SRGAP3: variants seen among roughly 807,000 people sequenced by gnomAD.
SRGAP3 encodes SLIT-ROBO Rho GTPase activating protein 3.
Under a neutral mutation model 121.1 loss-of-function variants are expected in SRGAP3, and 39 were observed. The observed-to-expected ratio is 0.32, with a 90% CI of 0.25 to 0.42. The LOEUF (loss-of-function observed/expected upper bound fraction) is 0.42, where lower values mean the gene tolerates loss of function less well. Ranked by LOEUF, SRGAP3 falls within the 10% of genes least tolerant of loss-of-function variation. The pLI, the probability that SRGAP3 is intolerant of heterozygous loss-of-function variation, is 1.00. For synonymous variants in SRGAP3, 601 were observed against 570.0 expected, an observed-to-expected ratio of 1.05 and a Z score of -0.77; for missense variants, 1,213 against 1,470.6, an observed-to-expected ratio of 0.82 and a Z score of 2.86.
chr3:9,020,216 A>C (rs999813201), intron 14 of SRGAP3, among the ~76,000 whole-genome samples: 2 of 152,102 alleles, frequency 1.3e-5, no homozygotes, highest in African/African-American at 4.8e-5. Flanking sequence ...TGATTTTTTG[A>C]TCTGTCTGTC....
intron 18 of SRGAP3, among the ~76,000 whole-genome samples, chr3:8,994,726 C>G (rs1043942011): frequency 6.6e-6 from 1 of 152,174 alleles, no homozygotes; most frequent in African/African-American, 2.4e-5. Flanking sequence ...CTCAGGAAAA[C>G]CATCAAACCC....
chr3:9,348,133 T>C (rs376069769), intron 1 of SRGAP3, among the ~76,000 whole-genome samples: 4 of 152,366 alleles, frequency 2.6e-5, no homozygotes, highest in East Asian at 1.9e-4. Context: ...TAGAATTTTA[T>C]GTGCAGTACT....
chr3:9,302,927 A>G (rs923591969), intron 3 of SRGAP3, among the ~76,000 whole-genome samples: 10 of 150,180 alleles, frequency 6.7e-5, no homozygotes, highest in South Asian at 2.1e-4. Flanking sequence ...TAATACTTAA[A>G]GTACCTAATA....
At position 8,985,342 on chromosome 3, in the gene SRGAP3, A is replaced by T; in HGVS notation, c.*177T>A. 1 of 1,353,870 alleles carries T rather than the reference A, an allele frequency of 7.4e-7. No homozygotes were observed. Among genetic ancestry groups the T allele is most frequent in the Non-Finnish European group, 9.7e-7 (1 of 1,033,796 alleles). The allele number at this position is 1,353,870 out of a possible 1,614,324, so 83.9% of individuals were successfully genotyped here. On this transcript the variant is annotated 3_prime_UTR_variant, in exon 22 of 22. Transcript: ENST00000383836. This position sits in a 1 kb window ranked among gnomAD's most constrained non-coding sequence, Gnocchi z 5.1. ...CACGCGAGAGGTCCGTGGGATTCCC[A>T]TGGCTGGACGTGAGCTGCAGCCAGC...
chr3:9,099,497 G>A (rs1390084678), intron 3 of SRGAP3, among the ~76,000 whole-genome samples: 1 of 152,266 alleles, frequency 6.6e-6, no homozygotes, highest in Admixed American at 6.5e-5. Flanking sequence ...AGGAGAGCAA[G>A]TGGGATGCAG....
At chr3:9,357,999 C>T (rs1339778704) in intron 1 of SRGAP3, among the ~76,000 whole-genome samples, 3 of 152,034 alleles carry the variant, frequency 2.0e-5, no homozygotes, top group Non-Finnish European at 4.4e-5. Flanking sequence ...CTCAGCCACT[C>T]GAGTAGCTGG....
At chr3:9,026,536 G>A (rs567079630) in intron 13 of SRGAP3, among the ~76,000 whole-genome samples, 9 of 152,268 alleles carry the variant, frequency 5.9e-5, no homozygotes, top group South Asian at 2.1e-4. Context: ...AAGTAATTGC[G>A]GTTTTTGCCA....
chr3:9,044,113 G>A (rs1945142068), intron 10 of SRGAP3, among the ~76,000 whole-genome samples: 1 of 152,016 alleles, frequency 6.6e-6, no homozygotes, highest in African/African-American at 2.4e-5. Context: ...GCATGTCTGG[G>A]GTCAATCATG....
Position 9,320,518 on chromosome 3 carries a change from T to C in SRGAP3, n.442+5492A>G, listed in dbSNP as rs139534968. ...CTCTCTCTTGCTCCTGCTCCTGCCA[T>C]GTGAGACGACTCGCTCCCCCTTTGC... On this transcript the variant is annotated intron_variant and non_coding_transcript_variant, in intron 3 of 3. Coordinates refer to the SRGAP3 transcript ENST00000490889. Among the ~76,000 whole-genome samples, 29 of 151,986 alleles carry C rather than the reference T, an allele frequency of 1.9e-4. 1 individual carries two copies. The East Asian group carries it at 5.2e-3, about 27-fold the overall frequency.
At chr3:9,158,542 A>C (rs1056016540) in intron 1 of SRGAP3, among the ~76,000 whole-genome samples, 9 of 152,202 alleles carry the variant, frequency 5.9e-5, no homozygotes, top group African/African-American at 1.9e-4. Flanking sequence ...CCCGGTATTC[A>C]TTCATTATCC....
chr3:9,060,718 C>G (rs566317042), intron 5 of SRGAP3, among the ~76,000 whole-genome samples: 3 of 151,020 alleles, frequency 2.0e-5, no homozygotes, highest in Non-Finnish European at 4.4e-5. Context: ...GGATTATAGG[C>G]GTGAGCCACC....
intron 1 of SRGAP3, among the ~76,000 whole-genome samples, chr3:9,233,593 G>A (rs1405480596): frequency 1.3e-5 from 2 of 152,098 alleles, no homozygotes; most frequent in Non-Finnish European, 2.9e-5. Flanking sequence ...ATATTTTGAT[G>A]ACTTCTGACC....
intron 1 of SRGAP3, among the ~76,000 whole-genome samples, chr3:9,131,631 G>A (rs765915238): frequency 1.3e-5 from 2 of 151,700 alleles, no homozygotes; most frequent in Non-Finnish European, 1.5e-5. Context: ...TAGTAGAAAC[G>A]GGGTTTCACC....
intron 1 of SRGAP3, among the ~76,000 whole-genome samples, chr3:9,163,591 G>A (rs1950677025): frequency 6.6e-6 from 1 of 152,236 alleles, no homozygotes; most frequent in South Asian, 2.1e-4. Flanking sequence ...AAGCAGAGGG[G>A]GCAGGGGAGG....
chr3:9,106,151 C>T (rs959012768), intron 2 of SRGAP3, among the ~76,000 whole-genome samples: 2 of 152,222 alleles, frequency 1.3e-5, no homozygotes, highest in African/African-American at 4.8e-5. Context: ...CTCTGTGAGC[C>T]TCAGGAAAGG....
In SRGAP3 at chr3:9,154,781, G is replaced by GA. The variant is rs754720922; in HGVS notation, c.68-29865dup. 5.2e-4 allele frequency among the ~76,000 whole-genome samples: 78 copies of GA among 151,430 alleles called. 1 individual carries two copies. The highest frequency in any genetic ancestry group is 1.7e-3 in the Admixed American group (26 of 15,230). ...TAAAACTGGCTTTCTGGATTATCTT[G>GA]AAAAAACCAGTGATCTAGAAACACC... On this transcript the variant is annotated intron_variant, in intron 1 of 21. Coordinates refer to ENST00000383836, the MANE Select transcript of SRGAP3 (RefSeq NM_014850.4).
chr3:9,304,506 C>G (rs1955124264), intron 3 of SRGAP3, among the ~76,000 whole-genome samples: 1 of 152,184 alleles, frequency 6.6e-6, no homozygotes, highest in African/African-American at 2.4e-5. Context: ...CATCTTAAAT[C>G]TAACAGCAGC....
At chr3:8,999,742 G>C (rs1305744233) in intron 18 of SRGAP3, among the ~76,000 whole-genome samples, 2 of 152,102 alleles carry the variant, frequency 1.3e-5, no homozygotes, top group Non-Finnish European at 2.9e-5. Context: ...TCATGACCTT[G>C]GGTTCTTTCT....
intron 3 of SRGAP3, among the ~76,000 whole-genome samples, chr3:9,085,800 G>A (rs963192462): frequency 4.6e-5 from 7 of 152,096 alleles, no homozygotes; most frequent in African/African-American, 1.7e-4. Context: ...CACACACTGG[G>A]GCCTATCGGA....
Sources: gnomAD v4.1 joint callset for allele counts (sites outside exome capture counted in the v4.1 genomes callset) on GRCh38, gnomAD v4.1.1 for gene constraint, Gnocchi (gnomAD v3.1) non-coding constraint, MANE v1.5 for transcripts, NCBI Gene and HGNC (gene_info 2026-07-23, HGNC 2026-07-21) for gene names.